The following ZNF423 variants were observed in gnomAD, a reference collection of about 807,000 sequenced individuals.
ZNF423 encodes the protein Ebf-associated zinc finger protein.
A neutral mutation model predicts 95.8 loss-of-function variants in ZNF423; 12 were observed. That is an observed-to-expected ratio of 0.13 (90% CI 0.08 to 0.20). The LOEUF (loss-of-function observed/expected upper bound fraction) is 0.20. Among genes scored for constraint, ZNF423 ranks in the 10% least tolerant of loss-of-function variants. The probability of loss-of-function intolerance (pLI) is 1.00; values close to 1 mark genes in which losing one functional copy is unlikely to be tolerated. For missense variants in ZNF423, 1,316 were observed against 1,737.1 expected, an observed-to-expected ratio of 0.76 and a Z score of 4.31; for synonymous variants, 749 against 711.9, an observed-to-expected ratio of 1.05 and a Z score of -0.83.
intron 5 of ZNF423, among the ~76,000 whole-genome samples, chr16:49,588,312 T>G (rs1162905173): frequency 6.6e-6 from 1 of 152,168 alleles, no homozygotes; most frequent in African/African-American, 2.4e-5. Context: ...AACATCTTCC[T>G]CCCAGGGCAC....
At chr16:49,507,323 G>A (rs137922411) in intron 7 of ZNF423, among the ~76,000 whole-genome samples, 19 of 151,848 alleles carry the variant, frequency 1.3e-4, no homozygotes, top group African/African-American at 2.9e-4. Flanking sequence ...TGGTAGATAC[G>A]GGGTCTCATT....
intron 3 of ZNF423, among the ~76,000 whole-genome samples, chr16:49,649,434 A>C (rs1200757782): frequency 6.6e-6 from 1 of 152,118 alleles, no homozygotes; most frequent in Non-Finnish European, 1.5e-5. Context: ...GGTGGTAGGT[A>C]TCCCAGCTCT....
intron 2 of ZNF423, among the ~76,000 whole-genome samples, chr16:49,756,171 G>A (rs753313272): frequency 4.6e-5 from 7 of 152,086 alleles, no homozygotes; most frequent in Non-Finnish European, 7.4e-5. Context: ...CAGAGACAAG[G>A]GTTTTCAAAA....
At chr16:49,690,733 C>T (rs1046378461) in intron 3 of ZNF423, among the ~76,000 whole-genome samples, 1 of 152,154 alleles carries the variant, frequency 6.6e-6, no homozygotes, top group South Asian at 2.1e-4. Context: ...CAGGCGGTGC[C>T]TCCTGGAAGC....
intron 3 of ZNF423, among the ~76,000 whole-genome samples, chr16:49,697,977 G>A (rs577118384): frequency 9.2e-5 from 14 of 152,266 alleles, no homozygotes; most frequent in African/African-American, 1.9e-4. Context: ...CCATTACGCC[G>A]CCTTTCCCCA....
At chr16:49,847,932 G>A (rs2144115829) in intron 1 of ZNF423, among the ~76,000 whole-genome samples, 2 of 152,040 alleles carry the variant, frequency 1.3e-5, no homozygotes, top group East Asian at 1.9e-4. Flanking sequence ...AGACCAGCCT[G>A]GGCAGCATAG....
In ZNF423 at chr16:49,842,130, C is replaced by T. The variant is rs201566388; in HGVS notation, c.40+13605G>A. ...GCAGGCGCCTGTAATCCCAGCTACT[C>T]GGGAGGCTGAGGCAGGAGAATCACT... On this transcript the variant is annotated intron_variant, in intron 1 of 7. Transcript: ENST00000563137. Among the ~76,000 whole-genome samples the T allele has an allele frequency of 1.7e-4, 25 of 149,832 alleles. No homozygotes were observed. The East Asian group carries it at 5.0e-3, about 30-fold the overall frequency.
chr16:49,571,023 A>G (rs1362211978), intron 5 of ZNF423, among the ~76,000 whole-genome samples: 1 of 152,368 alleles, frequency 6.6e-6, no homozygotes, highest in South Asian at 2.1e-4. Flanking sequence ...ACAGACAGAT[A>G]GTATCCCTGG....
At chr16:49,669,464 A>G (rs2030706565) in intron 3 of ZNF423, among the ~76,000 whole-genome samples, 1 of 152,218 alleles carries the variant, frequency 6.6e-6, no homozygotes, top group Non-Finnish European at 1.5e-5. Context: ...CAGATGCAGC[A>G]GGACTGTCCC....
intron 3 of ZNF423, among the ~76,000 whole-genome samples, chr16:49,704,566 A>G (rs2032292904): frequency 6.6e-6 from 1 of 152,244 alleles, no homozygotes; most frequent in Non-Finnish European, 1.5e-5. Flanking sequence ...GAACCAGCAT[A>G]GAGCCTGATA....
chr16:49,722,492 A>G (rs1041920718), intron 3 of ZNF423, among the ~76,000 whole-genome samples: 3 of 152,240 alleles, frequency 2.0e-5, no homozygotes, highest in Non-Finnish European at 2.9e-5. Flanking sequence ...CCACATCCCT[A>G]GAGCCCAGAG....
intron 3 of ZNF423, among the ~76,000 whole-genome samples, chr16:49,640,119 C>T (rs969379217): frequency 2.6e-5 from 4 of 152,140 alleles, no homozygotes; most frequent in African/African-American, 7.2e-5. Flanking sequence ...CCACTGCCCC[C>T]GCCTCTCCAG....
chr16:49,788,170 C>A (rs978889311), intron 2 of ZNF423, among the ~76,000 whole-genome samples: 4 of 152,176 alleles, frequency 2.6e-5, no homozygotes, highest in African/African-American at 9.7e-5. Flanking sequence ...GAGGAAGCCC[C>A]TGTCACCAAG....
chr16:49,699,633 T>C (rs577075195), intron 3 of ZNF423, among the ~76,000 whole-genome samples: 30 of 152,356 alleles, frequency 2.0e-4, no homozygotes, highest in African/African-American at 6.5e-4. Context: ...GGTATCTTCA[T>C]TGTTTACTTT....
chr16:49,531,377 G>C (rs1968840278), intron 5 of ZNF423, among the ~76,000 whole-genome samples: 1 of 151,876 alleles, frequency 6.6e-6, no homozygotes, highest in South Asian at 2.1e-4. Flanking sequence ...GGAAGCATGG[G>C]AGCAAAGGCC....
chr16:49,832,929 C>T (rs144101755), intron 1 of ZNF423, among the ~76,000 whole-genome samples: 121 of 152,376 alleles, frequency 7.9e-4, no homozygotes, highest in African/African-American at 2.8e-3. Context: ...CATCTCCAAT[C>T]TCTCAATGTT....
At chr16:49,540,202 C>T (rs966147851) in intron 5 of ZNF423, among the ~76,000 whole-genome samples, 3 of 152,212 alleles carry the variant, frequency 2.0e-5, no homozygotes, top group African/African-American at 7.2e-5. Flanking sequence ...ATTTCAAGGT[C>T]CTGCATACTA....
intron 5 of ZNF423, among the ~76,000 whole-genome samples, chr16:49,532,763 G>C (rs1968900689): frequency 6.6e-6 from 1 of 152,176 alleles, no homozygotes; most frequent in Non-Finnish European, 1.5e-5. Flanking sequence ...TGGGCCACTT[G>C]GGGCCAGGGC....
chr16:49,568,699 C>G (rs1198964343), intron 5 of ZNF423, among the ~76,000 whole-genome samples: 2 of 152,104 alleles, frequency 1.3e-5, no homozygotes, highest in Admixed American at 6.5e-5. Context: ...GCCTTTGGGT[C>G]CAGTGAGGGC....
Sources: gnomAD v4.1 joint callset for allele counts (sites outside exome capture counted in the v4.1 genomes callset) on GRCh38, gnomAD v4.1.1 for gene constraint, MANE v1.5 for transcripts, NCBI Gene and HGNC (gene_info 2026-07-23, HGNC 2026-07-21) for gene names.